The following DLG1 variants were observed in gnomAD, a reference collection of about 807,000 sequenced individuals.
The protein encoded by DLG1 is disks large homolog 1.
In DLG1, 42 loss-of-function variants were observed where a neutral mutation model predicts 123.4. The ratio of observed to expected loss-of-function variants is 0.34; its 90% CI spans 0.27 to 0.44. The LOEUF is 0.44. Ranked by LOEUF, DLG1 falls within the 20% of genes least tolerant of loss-of-function variation. The pLI is 1.00. For synonymous variants in DLG1, 317 were observed against 356.2 expected, an observed-to-expected ratio of 0.89 and a Z score of 1.24; for missense variants, 942 against 1,082.6, an observed-to-expected ratio of 0.87 and a Z score of 1.82.
chr3:197,073,528 G>A (rs115260316), intron 18 of DLG1, among the ~76,000 whole-genome samples: 1 of 152,044 alleles, frequency 6.6e-6, no homozygotes, highest in African/African-American at 2.4e-5. Context: ...CTAGCTTTTC[G>A]CAAATGATGA....
rs774006941 is a variant in DLG1, at chr3:197,243,069, C to T, written c.318+39610G>A. On this transcript the variant is annotated intron_variant, in intron 4 of 24. Transcript: ENST00000667157. ...GGGTGCTGCCTGCGTTAGTTACGAT[C>T]GCAAGAGCACACCAAACAAAGGAAA... is the stretch of plus-strand genomic sequence containing the variant. Among the ~76,000 whole-genome samples, 118 of 152,284 alleles carry T rather than the reference C, an allele frequency of 7.7e-4. 2 individuals are homozygous for T. The highest frequency in any genetic ancestry group is 4.3e-4 in the Non-Finnish European group (29 of 68,016).
At chr3:197,160,868 T>C (rs1361872535) in intron 5 of DLG1, among the ~76,000 whole-genome samples, 1 of 152,202 alleles carries the variant, frequency 6.6e-6, no homozygotes, top group African/African-American at 2.4e-5. Flanking sequence ...ATGGGTTCAT[T>C]TATTTACACT....
intron 10 of DLG1, among the ~76,000 whole-genome samples, chr3:197,131,931 C>A (rs1165653139): frequency 6.6e-6 from 1 of 151,906 alleles, no homozygotes. Flanking sequence ...TTTTCTTTTT[C>A]TTTTCTTATT....
At position 197,043,744 on chromosome 3, in the gene DLG1, A is replaced by G. The variant is rs1315949899; in HGVS notation, c.*879T>C. On this transcript the variant is annotated 3_prime_UTR_variant, in exon 25 of 25. Coordinates refer to ENST00000667157, the MANE Select transcript of DLG1 (RefSeq NM_001366207.1). ...AATCTGACTCCTAAGAATACATTTG[A>G]AGTTTTAGGCTATGAATTGGACTCC... 6.6e-6 allele frequency: 1 copy of G among 151,912 alleles called. No individual in the cohort carries two copies. Among genetic ancestry groups the G allele is most frequent in the Non-Finnish European group, 1.5e-5 (1 of 67,962 alleles). The allele number at this position is 151,912 out of a possible 1,614,324, so 9.4% of individuals were successfully genotyped here. A position where few individuals can be genotyped will look rare whatever the true frequency, so the allele number is the denominator to read the frequency against.
chr3:197,297,810 T>C (rs338216), intron 1 of DLG1: 406,354 of 985,200 alleles, frequency 0.41, 85,039 homozygotes, highest in African/African-American at 0.53. Flanking sequence ...AAAGTTCCGG[T>C]GAGCGGCGTG....
chr3:197,144,824 T>TTA (rs1789874986), intron 6 of DLG1, among the ~76,000 whole-genome samples: 1 of 152,086 alleles, frequency 6.6e-6, no homozygotes, highest in African/African-American at 2.4e-5. Flanking sequence ...ATAAAGGCAT[T>TTA]TATATAGAGA....
At chr3:197,046,841 G>C (rs999371204) in intron 24 of DLG1, among the ~76,000 whole-genome samples, 2 of 152,064 alleles carry the variant, frequency 1.3e-5, no homozygotes, top group African/African-American at 4.8e-5. Flanking sequence ...TTGCACTCCA[G>C]CCTGGGTGAC....
intron 13 of DLG1, among the ~76,000 whole-genome samples, chr3:197,114,848 C>T (rs558082623): frequency 1.3e-4 from 19 of 151,950 alleles, no homozygotes; most frequent in African/African-American, 3.6e-4. Flanking sequence ...GGCGTGGTGG[C>T]GGGTGCCTGT....
At position 197,104,992 on chromosome 3, in the gene DLG1, T is replaced by G; in HGVS notation, c.1457A>C (p.Asp486Ala). The change falls in exon 14 of 25, where the codon GAC becomes GCC. Residue 486 changes from aspartate (D) to alanine (A), a missense_variant. Asp to Ala is a moderately radical substitution (Grantham distance 126, BLOSUM62 -2). Transcript: ENST00000667157. ...GDRIISVNSV[D>A]LRAASHEQAA... ...CTGCTCATGACTAGCAGCTCTGAGG[T>G]CAACACTGTTTACCTGTAAATCAAA... 5.0e-6 allele frequency: 8 copies of G among 1,607,232 alleles called. No homozygotes were observed. Among genetic ancestry groups the G allele is most frequent in the Non-Finnish European group, 6.8e-6 (8 of 1,177,068 alleles).
At chr3:197,250,436 G>T (rs1753803858) in intron 4 of DLG1, among the ~76,000 whole-genome samples, 2 of 152,010 alleles carry the variant, frequency 1.3e-5, no homozygotes, top group African/African-American at 2.4e-5. Flanking sequence ...GGGCGTCATG[G>T]TGGGCACCTG....
intron 4 of DLG1, chr3:197,260,228 A>G (rs1439349735): frequency 4.7e-6 from 2 of 423,124 alleles, no homozygotes; most frequent in African/African-American, 4.1e-5. Flanking sequence ...GTCACTAACA[A>G]TGAAATACAG....
At chr3:197,054,065 C>T (rs553791158) in intron 23 of DLG1, among the ~76,000 whole-genome samples, 1 of 152,264 alleles carries the variant, frequency 6.6e-6, no homozygotes, top group Non-Finnish European at 1.5e-5. Context: ...CACTGCACTC[C>T]AGCCTGGGTG....
intron 6 of DLG1, among the ~76,000 whole-genome samples, chr3:197,145,080 C>T (rs1011119150): frequency 4.6e-5 from 7 of 151,902 alleles, no homozygotes; most frequent in African/African-American, 7.3e-5. Context: ...CACACACACA[C>T]GTAAAATCTC....
At chr3:197,201,121 C>T (rs1386927930) in intron 4 of DLG1, among the ~76,000 whole-genome samples, 4 of 152,182 alleles carry the variant, frequency 2.6e-5, no homozygotes, top group Admixed American at 6.5e-5. Flanking sequence ...CAGTGGCTCA[C>T]GCCTCTAATC....
At chr3:197,205,591 T>C (rs1464659184) in intron 4 of DLG1, among the ~76,000 whole-genome samples, 1 of 152,154 alleles carries the variant, frequency 6.6e-6, no homozygotes, top group Non-Finnish European at 1.5e-5. Context: ...AAACAACCAC[T>C]ATCACCTCTT....
At chr3:197,061,756 A>ATAT (rs1309609320) in intron 22 of DLG1, among the ~76,000 whole-genome samples, 7 of 152,162 alleles carry the variant, frequency 4.6e-5, no homozygotes, top group South Asian at 2.1e-4. Flanking sequence ...TTAGTCCATC[A>ATAT]TATCTGGGAG....
intron 6 of DLG1, among the ~76,000 whole-genome samples, chr3:197,149,496 A>G (rs1319798810): frequency 6.6e-6 from 1 of 152,206 alleles, no homozygotes. Flanking sequence ...AAAGTTAGCC[A>G]TCATAATTTC....
chr3:197,069,592 A>G (rs1742191427), intron 18 of DLG1: 1 of 175,904 alleles, frequency 5.7e-6, no homozygotes, highest in Non-Finnish European at 1.2e-5. Context: ...TACTGTTGGC[A>G]CTATTTCAGT....
At chr3:197,237,380 C>T (rs1051444317) in intron 4 of DLG1, among the ~76,000 whole-genome samples, 8 of 152,192 alleles carry the variant, frequency 5.3e-5, no homozygotes, top group African/African-American at 1.4e-4. Context: ...ATGGTACAGA[C>T]CTACCTTGTG....
Sources: gnomAD v4.1 joint callset for allele counts (sites outside exome capture counted in the v4.1 genomes callset) on GRCh38, gnomAD v4.1.1 for gene constraint, MANE v1.5 for transcripts, NCBI Gene and HGNC (gene_info 2026-07-23, HGNC 2026-07-21) for gene names.